Variants in ELMO1 observed in about 807,000 individuals in gnomAD.
ELMO1 encodes engulfment and cell motility 1.
Under a neutral mutation model 98.9 loss-of-function variants are expected in ELMO1, and 26 were observed. That is an observed-to-expected ratio of 0.26 (90% CI 0.19 to 0.36). ELMO1 has a LOEUF of 0.36. Ranked by LOEUF, ELMO1 falls within the 10% of genes least tolerant of loss-of-function variation. ELMO1 has a pLI of 1.00. For missense variants in ELMO1, 627 were observed against 935.2 expected (o/e 0.67, Z 4.30); for synonymous variants, 346 against 346.0 (o/e 1.00, Z 0.00).
intron 1 of ELMO1, among the ~76,000 whole-genome samples, chr7:37,441,576 T>A (rs866874085): frequency 6.6e-6 from 1 of 152,188 alleles, no homozygotes; most frequent in African/African-American, 2.4e-5. Flanking sequence ...ATTTCCTTTG[T>A]CTTGTGACAA....
chr7:36,923,098 C>T (rs1383525052), intron 16 of ELMO1, among the ~76,000 whole-genome samples: 1 of 152,202 alleles, frequency 6.6e-6, no homozygotes, highest in Non-Finnish European at 1.5e-5. Context: ...ATGGAAGCTC[C>T]TTCTGTGGGC....
At chr7:37,064,178 C>T (rs1024931216) in intron 15 of ELMO1, among the ~76,000 whole-genome samples, 8 of 152,154 alleles carry the variant, frequency 5.3e-5, no homozygotes, top group Non-Finnish European at 5.9e-5. Context: ...GGCATTTTCT[C>T]GTGTTCCTCT....
chr7:36,880,865 A>G (rs1214907350), intron 18 of ELMO1, among the ~76,000 whole-genome samples: 1 of 152,224 alleles, frequency 6.6e-6, no homozygotes, highest in Non-Finnish European at 1.5e-5. Context: ...TTCCTTGCAA[A>G]GTTGGAGTTG....
chr7:37,025,734 G>A (rs1794528970), intron 15 of ELMO1, among the ~76,000 whole-genome samples: 1 of 152,088 alleles, frequency 6.6e-6, no homozygotes, highest in Admixed American at 6.6e-5. Context: ...CCAGCTTTCA[G>A]ATGGCAGTTT....
At chr7:36,946,225 C>G (rs150886493) in intron 16 of ELMO1, among the ~76,000 whole-genome samples, 12 of 152,238 alleles carry the variant, frequency 7.9e-5, no homozygotes, top group African/African-American at 2.9e-4. Flanking sequence ...ATTTACCTGT[C>G]GGGGCTGTCA....
At chr7:37,053,821 T>C (rs1350805115) in intron 15 of ELMO1, among the ~76,000 whole-genome samples, 1 of 152,114 alleles carries the variant, frequency 6.6e-6, no homozygotes, top group East Asian at 1.9e-4. Flanking sequence ...GTGCAATTGA[T>C]TAAGTCTATA....
intron 1 of ELMO1, among the ~76,000 whole-genome samples, chr7:37,440,077 C>T (rs1005472336): frequency 6.6e-6 from 1 of 152,002 alleles, no homozygotes; most frequent in African/African-American, 2.4e-5. Context: ...CTCCCCCAAA[C>T]CAAAATTTCT....
intron 15 of ELMO1, among the ~76,000 whole-genome samples, chr7:37,077,227 G>C (rs1408606356): frequency 6.6e-6 from 1 of 152,230 alleles, no homozygotes; most frequent in Admixed American, 6.5e-5. Context: ...ATTCAATACA[G>C]TGTGAGATGT....
intron 14 of ELMO1, among the ~76,000 whole-genome samples, chr7:37,119,321 T>A (rs934279313): frequency 6.6e-6 from 1 of 152,166 alleles, no homozygotes; most frequent in South Asian, 2.1e-4. Flanking sequence ...CTGGGAACAT[T>A]GAAGGGAAAT....
At chr7:37,032,719 C>T (rs1794946504) in intron 15 of ELMO1, among the ~76,000 whole-genome samples, 2 of 152,210 alleles carry the variant, frequency 1.3e-5, no homozygotes, top group South Asian at 4.1e-4. Flanking sequence ...TGACCTGTCA[C>T]TGGCAGAAAC....
intron 16 of ELMO1, among the ~76,000 whole-genome samples, chr7:36,921,703 T>C (rs1785166123): frequency 6.6e-6 from 1 of 152,174 alleles, no homozygotes. Flanking sequence ...ACAGAAAAGC[T>C]CCCAAAATGC....
rs555540158 is a variant in ELMO1 at position 37,169,910 on chromosome 7, C to CTT, written c.1087-36678_1087-36677dup. Among the ~76,000 whole-genome samples, 145 of 149,614 alleles carry CTT rather than the reference C, an allele frequency of 9.7e-4. 1 individual carries two copies. Among genetic ancestry groups the CTT allele is most frequent in the African/African-American group, 3.2e-3 (130 of 40,908 alleles). On this transcript the variant is annotated intron_variant, in intron 13 of 21. Transcript: ENST00000310758. Reference sequence around the variant, plus strand: ...TTCATTAACTCTAAAATGCACATTTCTTTTTTTTTTGAGACAGTCTCACTC... The same window carrying CTT: ...TTCATTAACTCTAAAATGCACATTTCTTTTTTTTTTTTGAGACAGTCTCACTC...
intron 16 of ELMO1, among the ~76,000 whole-genome samples, chr7:36,909,921 GAATA>G (rs1251341630): frequency 6.6e-6 from 1 of 152,108 alleles, no homozygotes; most frequent in Non-Finnish European, 1.5e-5. Context: ...ATGACCAAAT[GAATA>G]AACAGACAAA....
Position 36,998,352 on chromosome 7 carries a change from T to C in ELMO1, c.1437+14947A>G, listed in dbSNP as rs140091472. Among the ~76,000 whole-genome samples, 43 of 152,208 alleles carry C rather than the reference T, an allele frequency of 2.8e-4. 1 individual carries two copies. The highest frequency in any genetic ancestry group is 9.6e-4 in the African/African-American group (40 of 41,524). ...GGTTTTCAAGTATTCAAAATATATA[T>C]TAATGCACTTTGGAGTCGTATTTCT... On this transcript the variant is annotated intron_variant, in intron 16 of 21. Coordinates refer to ENST00000310758, the MANE Select transcript of ELMO1 (RefSeq NM_014800.11).
chr7:37,347,675 G>A (rs1801072508), intron 1 of ELMO1, among the ~76,000 whole-genome samples: 3 of 152,106 alleles, frequency 2.0e-5, no homozygotes, highest in Admixed American at 1.3e-4. Context: ...ACATGAAACT[G>A]AGTCCATGTA....
intron 13 of ELMO1, among the ~76,000 whole-genome samples, chr7:37,144,433 G>A (rs900574663): frequency 6.6e-6 from 1 of 152,130 alleles, no homozygotes; most frequent in Non-Finnish European, 1.5e-5. Context: ...AGCAAGCCCA[G>A]CAACTCCCCC....
At chr7:37,180,814 A>G (rs750719403) in intron 13 of ELMO1, among the ~76,000 whole-genome samples, 9 of 38,460 alleles carry the variant, frequency 2.3e-4, no homozygotes, top group South Asian at 1.4e-3. Flanking sequence ...ACATATGCGC[A>G]CACACACACA....
At chr7:37,415,121 T>C (rs1804158223) in intron 1 of ELMO1, among the ~76,000 whole-genome samples, 4 of 152,264 alleles carry the variant, frequency 2.6e-5, no homozygotes, top group Admixed American at 1.3e-4. Context: ...TTCTTAGTTA[T>C]ATGCATACAA....
At chr7:37,224,774 C>T in intron 9 of ELMO1, 105 bp downstream of exon 9, 2 of 1,466,046 alleles carry the variant, frequency 1.4e-6, no homozygotes, top group Middle Eastern at 2.6e-4. Flanking sequence ...GATTCTTTTT[C>T]TGTACATTTA....
Sources: gnomAD v4.1 joint callset for allele counts (sites outside exome capture counted in the v4.1 genomes callset) on GRCh38, gnomAD v4.1.1 for gene constraint, MANE v1.5 for transcripts, NCBI Gene and HGNC (gene_info 2026-07-23, HGNC 2026-07-21) for gene names.